The following PTPRN2 variants were observed in gnomAD, a reference collection of about 807,000 sequenced individuals.
PTPRN2 encodes the protein protein tyrosine phosphatase receptor type N2, also known as receptor-type tyrosine-protein phosphatase N2.
In PTPRN2, 74 loss-of-function variants were observed where a neutral mutation model predicts 118.8. That is an observed-to-expected ratio of 0.62 (90% confidence interval 0.52 to 0.76). The LOEUF (loss-of-function observed/expected upper bound fraction) is 0.76, where lower values mean the gene tolerates loss of function less well. Ranked by LOEUF, PTPRN2 falls within the 30% of genes least tolerant of loss-of-function variation. The pLI, the probability that PTPRN2 is intolerant of heterozygous loss-of-function variation, is 0.00. For synonymous variants in PTPRN2, 641 were observed against 608.0 expected, an observed-to-expected ratio of 1.05 and a Z score of -0.80; for missense variants, 1,481 against 1,394.4, an observed-to-expected ratio of 1.06 and a Z score of -0.99.
chr7:157,824,033 C>T (rs992780708), intron 12 of PTPRN2, among the ~76,000 whole-genome samples: 1 of 152,140 alleles, frequency 6.6e-6, no homozygotes, highest in South Asian at 2.1e-4. Context: ...GGACTTCAAG[C>T]CCTCATAGAG....
chr7:158,292,073 T>C (rs1304296537), intron 3 of PTPRN2, among the ~76,000 whole-genome samples: 1 of 152,226 alleles, frequency 6.6e-6, no homozygotes, highest in Non-Finnish European at 1.5e-5. Flanking sequence ...TAAGACAAGA[T>C]TACATTCCAT....
In PTPRN2 at chr7:158,094,009, T is replaced by G. The variant is rs189810683; in HGVS notation, c.1644-12632A>C. On this transcript the variant is annotated intron_variant, in intron 10 of 22. Transcript: ENST00000389418. Reference sequence around the variant, plus strand: ...TCTTTGCAATTACTTTGCCATTACATGGGATTTGGGAAATCCTTTCTGTGC... The same window carrying G: ...TCTTTGCAATTACTTTGCCATTACAGGGGATTTGGGAAATCCTTTCTGTGC... 3.3e-5 allele frequency among the ~76,000 whole-genome samples: 5 copies of G among 152,368 alleles called. No homozygotes were observed. In the East Asian group the frequency reaches 9.6e-4, roughly 29 times the overall value.
At chr7:157,703,311 C>G (rs988135737) in intron 12 of PTPRN2, among the ~76,000 whole-genome samples, 1 of 152,184 alleles carries the variant, frequency 6.6e-6, no homozygotes, top group Non-Finnish European at 1.5e-5. Context: ...ATGTCTGCTG[C>G]CAGGTGGTGG....
intron 2 of PTPRN2, among the ~76,000 whole-genome samples, chr7:158,352,792 A>G (rs923592181): frequency 1.3e-5 from 2 of 152,204 alleles, no homozygotes; most frequent in Non-Finnish European, 2.9e-5. Flanking sequence ...AATCCCTTCA[A>G]TCTAAATGTT....
In PTPRN2 at chr7:157,785,068, G is replaced by A. The variant is rs890071853; in HGVS notation, c.1789-102131C>T. ...GCTGTTACAGCCGCTGTTTCATCGCGTCGTCATAGGAGTTGAACAAAGCTG... is the reference window on the plus strand; with the variant it reads ...GCTGTTACAGCCGCTGTTTCATCGCATCGTCATAGGAGTTGAACAAAGCTG... On this transcript the variant is annotated intron_variant, in intron 12 of 22. Transcript: ENST00000389418. The surrounding 1 kb of genome is among the most constrained non-coding windows in gnomAD (Gnocchi z 7.3). Among the ~76,000 whole-genome samples, 2 of 151,964 alleles carry A rather than the reference G, an allele frequency of 1.3e-5. No homozygotes were observed. The highest frequency in any genetic ancestry group is 2.4e-5 in the African/African-American group (1 of 41,350).
At chr7:158,081,247 T>G in intron 11 of PTPRN2, 51 bp downstream of exon 11, 1 of 1,512,738 alleles carries the variant, frequency 6.6e-7, no homozygotes, top group Non-Finnish European at 9.2e-7. Context: ...CGTGCGTGTG[T>G]GTGTGCACAC....
chr7:158,155,078 T>G (rs1420643135), intron 6 of PTPRN2, among the ~76,000 whole-genome samples: 1 of 152,214 alleles, frequency 6.6e-6, no homozygotes, highest in Non-Finnish European at 1.5e-5. Flanking sequence ...CAGTTCATAA[T>G]GACATTTTAA....
chr7:158,172,219 A>G (rs1034924403), intron 5 of PTPRN2, among the ~76,000 whole-genome samples: 1 of 152,236 alleles, frequency 6.6e-6, no homozygotes, highest in Non-Finnish European at 1.5e-5. Context: ...AGTTTGGACC[A>G]GTTATCTAAC....
chr7:158,561,161 G>A (rs1005048201), intron 1 of PTPRN2, among the ~76,000 whole-genome samples: 4 of 152,186 alleles, frequency 2.6e-5, no homozygotes, highest in African/African-American at 7.2e-5. Context: ...TACGTAGATC[G>A]GGACATTAGA....
intron 11 of PTPRN2, among the ~76,000 whole-genome samples, chr7:157,907,489 G>A (rs1427657484): frequency 6.7e-6 from 1 of 149,726 alleles, no homozygotes; most frequent in Non-Finnish European, 1.5e-5. Context: ...TCCCCTGCGT[G>A]TGGGGTGTCC....
Position 158,129,528 on chromosome 7 carries a change from AAC to A in PTPRN2, c.1556+4147_1556+4148del, listed in dbSNP as rs1292278987. Among the ~76,000 whole-genome samples, 7 of 149,678 alleles carry A rather than the reference AAC, an allele frequency of 4.7e-5. No individual in the cohort carries two copies. In the South Asian group the frequency reaches 8.4e-4, roughly 18 times the overall value. Reference sequence around the variant, plus strand: ...GCAACATACTACACACCACACATACAACACACACTACACACAACACACATGCA... The same window carrying A: ...GCAACATACTACACACCACACATACAACACACTACACACAACACACATGCA... On this transcript the variant is annotated intron_variant, in intron 9 of 22. Transcript: ENST00000389418.
chr7:157,810,407 C>T (rs908484624), intron 12 of PTPRN2, among the ~76,000 whole-genome samples: 13 of 151,166 alleles, frequency 8.6e-5, no homozygotes, highest in South Asian at 2.1e-4. Flanking sequence ...CACGGGATGG[C>T]GGGACTGCTG....
intron 10 of PTPRN2, among the ~76,000 whole-genome samples, chr7:158,097,295 A>G (rs895789636): frequency 2.6e-5 from 4 of 152,150 alleles, no homozygotes; most frequent in Admixed American, 2.0e-4. Flanking sequence ...TCGAGCAGGC[A>G]CAGGCACCTC....
At chr7:158,388,312 C>T (rs1170715147) in intron 2 of PTPRN2, among the ~76,000 whole-genome samples, 3 of 152,186 alleles carry the variant, frequency 2.0e-5, no homozygotes, top group South Asian at 2.1e-4. Context: ...GGCTCGGTCC[C>T]GCAAGACCAC....
In PTPRN2 at chr7:158,133,702, G is replaced by C; in HGVS notation, c.1531C>G (p.Arg511Gly). The C allele has an allele frequency of 1.2e-6, 2 of 1,603,152 alleles. No homozygotes were observed. The highest frequency in any genetic ancestry group is 1.7e-6 in the Non-Finnish European group (2 of 1,174,800). ...LEVQPSEEEARGYIVTDRDPL... is the reference protein window; with the variant it reads ...LEVQPSEEEAGGYIVTDRDPL... Reference sequence around the variant, plus strand: ...TCTCTGTCTGTCACGATGTAGCCCCGCGCCTCTTCCTCGGAAGGCTGGACC... The same window carrying C: ...TCTCTGTCTGTCACGATGTAGCCCCCCGCCTCTTCCTCGGAAGGCTGGACC... Residue 511 changes from arginine to glycine, a missense_variant, in exon 9 of 23, where the codon CGG (arginine) becomes GGG (glycine). By Grantham distance (125) the Arg-to-Gly change is moderately radical. Transcript: ENST00000389418.
At chr7:158,059,648 C>A in intron 11 of PTPRN2, among the ~76,000 whole-genome samples, 1 of 108,082 alleles carries the variant, frequency 9.3e-6, no homozygotes. Context: ...TCCATCTGCC[C>A]ACGGTGACGC....
Position 157,621,416 on chromosome 7 carries a change from C to A in PTPRN2, c.2290G>T (p.Val764Leu). Reference sequence around the variant, plus strand: ...GGCACGTTCTCCTCCCTCTGGGCCACGAACGAGCTGTTGGGCTCCGCCTGG... The same window carrying A: ...GGCACGTTCTCCTCCCTCTGGGCCAAGAACGAGCTGTTGGGCTCCGCCTGG... ...AYQAEPNSSF[V>L]AQREENVPKN... The change falls in exon 15 of 23, where the codon GTG becomes TTG. Residue 764 changes from valine to leucine, a missense_variant. By Grantham distance (32) the Val-to-Leu change is conservative. Transcript: ENST00000389418. The A allele has an allele frequency of 1.9e-6, 3 of 1,614,118 alleles. No individual in the cohort carries two copies. Among genetic ancestry groups the A allele is most frequent in the South Asian group, 2.2e-5 (2 of 91,082 alleles).
chr7:158,562,258 A>G (rs1027580997), intron 1 of PTPRN2, among the ~76,000 whole-genome samples: 2 of 152,142 alleles, frequency 1.3e-5, no homozygotes, highest in African/African-American at 2.4e-5. Context: ...GTCTCACTCC[A>G]TGAAGGGGGC....
chr7:158,126,681 G>A (rs1220812342), intron 9 of PTPRN2, among the ~76,000 whole-genome samples: 5 of 150,544 alleles, frequency 3.3e-5, no homozygotes, highest in Non-Finnish European at 5.9e-5. Context: ...AGCGGGCGGC[G>A]GAACTTCCTC....
Sources: gnomAD v4.1 joint callset for allele counts (sites outside exome capture counted in the v4.1 genomes callset) on GRCh38, gnomAD v4.1.1 for gene constraint, Gnocchi (gnomAD v3.1) non-coding constraint, MANE v1.5 for transcripts, NCBI Gene and HGNC (gene_info 2026-07-23, HGNC 2026-07-21) for gene names.